Variants in BRCA2 observed in about 807,000 individuals in gnomAD.
The protein encoded by BRCA2 is BRCA2 DNA repair associated, also known as breast cancer type 2 susceptibility protein.
Under a neutral mutation model 276.7 loss-of-function variants are expected in BRCA2, and 203 were observed. The ratio of observed to expected loss-of-function variants is 0.73; its 90% CI spans 0.65 to 0.82. The LOEUF (loss-of-function observed/expected upper bound fraction) is 0.82. Among genes scored for constraint, BRCA2 ranks in the 40% least tolerant of loss-of-function variants. The pLI is 0.00. For synonymous variants in BRCA2, 1,289 were observed against 1,338.4 expected, an observed-to-expected ratio of 0.96 and a Z score of 0.81; for missense variants, 3,920 against 3,915.0, an observed-to-expected ratio of 1.00 and a Z score of -0.03.
chr13:32,359,327 A>G (rs536609119), intron 16 of BRCA2, among the ~76,000 whole-genome samples: 1 of 152,082 alleles, frequency 6.6e-6, no homozygotes, highest in African/African-American at 2.4e-5. Context: ...ATATATTTTA[A>G]TGGATACAAA....
chr13:32,367,536 T>C (rs184753993), intron 18 of BRCA2, among the ~76,000 whole-genome samples: 46 of 151,324 alleles, frequency 3.0e-4, no homozygotes, highest in African/African-American at 1.1e-3. Context: ...AGGCACAGTG[T>C]CTCACGCGTG....
rs576279166 is a variant in BRCA2 at position 32,344,602 on chromosome 13, A to T, written c.6886A>T (p.Ile2296Leu). 6.3e-7 allele frequency: 1 copy of T among 1,583,182 alleles called. No individual in the cohort carries two copies. Residue 2296 changes from isoleucine to leucine, a missense_variant, in exon 12 of 27, where the codon ATA (isoleucine) becomes TTA (leucine). Ile to Leu is a conservative substitution (Grantham distance 5). This residue lies in a region of BRCA2 where 3,263 missense variants were observed against 3,156.9 expected (regional missense o/e 1.03). Coordinates refer to ENST00000380152, the MANE Select transcript of BRCA2 (RefSeq NM_000059.4). ...KRNLLNEFDR[I>L]IENQEKSLKA... ...AAACTTATTAAATGAATTTGACAGG[A>T]TAATAGAAAATCAAGAAAAATCCTT...
Position 32,320,172 on chromosome 13 carries a change from C to G in BRCA2, c.316+847C>G, listed in dbSNP as rs529827633. ...GGGACCAATAGACAAGGCAAAAAGG[C>G]AGACTAAAGGCAGGCATTGAATGCC... On this transcript the variant is annotated intron_variant, in intron 3 of 26. Coordinates refer to ENST00000380152, the MANE Select transcript of BRCA2 (RefSeq NM_000059.4). 5.9e-5 allele frequency among the ~76,000 whole-genome samples: 9 copies of G among 152,290 alleles called. No individual in the cohort carries two copies. In the East Asian group the frequency reaches 1.7e-3, roughly 29 times the overall value.
rs80358546 is a variant in BRCA2, at chr13:32,319,307, A to T, written c.298A>T (p.Lys100Ter). ...LYQSPVKELD[K>*]FKLDLGRNVP... is the part of the protein sequence containing the mutation. ...CCAATCTCCTGTAAAAGAATTAGAT[A>T]AATTCAAATTAGACTTAGGTAAGTA... The change falls in exon 3 of 27, where the codon AAA (lysine) becomes TAA (stop). Residue 100 changes from lysine to a stop codon, truncating the protein, a stop_gained. Transcript: ENST00000380152. LOFTEE classifies it high-confidence loss of function. The T allele has an allele frequency of 6.2e-7, 1 of 1,613,678 alleles. No homozygotes were observed. The highest frequency in any genetic ancestry group is 8.5e-7 in the Non-Finnish European group (1 of 1,179,596).
rs276174795 is a variant in BRCA2 at position 32,316,449 on chromosome 13, T to C, written c.-12T>C. 18 of 1,611,446 alleles carry C rather than the reference T, an allele frequency of 1.1e-5. No individual in the cohort carries two copies. The highest frequency in any genetic ancestry group is 1.5e-5 in the Non-Finnish European group (18 of 1,177,520). ...TTATTTACCAAGCATTGGAGGAATA[T>C]CGTAGGTAAAAATGCCTATTGGATC... On this transcript the variant is annotated 5_prime_UTR_variant, in exon 2 of 27. Transcript: ENST00000380152.
chr13:32,370,919 A>G lies in BRCA2; in HGVS notation c.8488-37A>G, dbSNP rs746515276. The G allele has an allele frequency of 1.1e-5, 18 of 1,612,730 alleles. No individual in the cohort carries two copies. The African/African-American group carries it at 2.0e-4, about 18-fold the overall frequency. On this transcript the variant is annotated intron_variant, in intron 19 of 26. Coordinates refer to ENST00000380152, the MANE Select transcript of BRCA2 (RefSeq NM_000059.4). ...GATACAATTAACTTGAATGTTATAT[A>G]TGTGACTTTTTTGGTGTGTGTAACA...
At chr13:32,323,855 A>T in intron 3 of BRCA2, among the ~76,000 whole-genome samples, 1 of 152,218 alleles carries the variant, frequency 6.6e-6, no homozygotes, top group East Asian at 1.9e-4. Context: ...CTGGAGAGTC[A>T]AATATAATCT....
intron 11 of BRCA2, 39 bp from the exon 12 acceptor site, chr13:32,344,519 T>A (rs1566236802): frequency 7.6e-7 from 1 of 1,313,416 alleles, no homozygotes; most frequent in African/African-American, 1.5e-5. Context: ...AAACTGATAT[T>A]ATTTGCCTTA....
intron 21 of BRCA2, among the ~76,000 whole-genome samples, chr13:32,378,109 G>T (rs1457506838): frequency 2.0e-5 from 3 of 152,146 alleles, no homozygotes; most frequent in Non-Finnish European, 4.4e-5. Context: ...AATATTATTT[G>T]TTGAAGCTTG....
chr13:32,333,839 T>G (rs2072429235), intron 10 of BRCA2, among the ~76,000 whole-genome samples: 1 of 152,198 alleles, frequency 6.6e-6, no homozygotes, highest in African/African-American at 2.4e-5. Context: ...TTCTCATTGT[T>G]CAGCTCCCAC....
At chr13:32,368,001 CTTTTTTTTTTTTTTTTTT>C (rs71071031) in intron 18 of BRCA2, among the ~76,000 whole-genome samples, 9 of 50,766 alleles carry the variant, frequency 1.8e-4, no homozygotes, top group African/African-American at 6.5e-4. Context: ...TCTTCTAATT[CTTTTTTTTTTTTTTTTTT>C]TTTTTTTTTT....
rs876659836 is a variant in BRCA2, at chr13:32,340,243, G to A, written c.5888G>A (p.Gly1963Glu). The change falls in exon 11 of 27, where the codon GGG becomes GAG. Residue 1963 changes from glycine (G) to glutamate (E), a missense_variant. Coordinates refer to ENST00000380152, the MANE Select transcript of BRCA2 (RefSeq NM_000059.4). ...TCAGATATATGTAAATGTAGTATAG[G>A]GAAGCTTCATAAGTCAGTCTCATCT... is the stretch of plus-strand genomic sequence containing the variant. ...ETSDICKCSI[G>E]KLHKSVSSAN... 6.2e-7 allele frequency: 1 copy of A among 1,613,954 alleles called. No individual in the cohort carries two copies. Among genetic ancestry groups the A allele is most frequent in the Non-Finnish European group, 8.5e-7 (1 of 1,179,904 alleles).
chr13:32,378,024 A>T (rs1271372609), intron 21 of BRCA2, among the ~76,000 whole-genome samples: 2 of 152,202 alleles, frequency 1.3e-5, no homozygotes, highest in Non-Finnish European at 2.9e-5. Context: ...AAAACCTGTG[A>T]GTATACTTGC....
At chr13:32,352,952 G>A (rs932271972) in intron 13 of BRCA2, among the ~76,000 whole-genome samples, 1 of 152,040 alleles carries the variant, frequency 6.6e-6, no homozygotes, top group Non-Finnish European at 1.5e-5. Context: ...TAACCTACAA[G>A]GCAAACTCCT....
chr13:32,337,195 T>C lies in BRCA2; in HGVS notation c.2840T>C (p.Leu947Ser). The C allele has an allele frequency of 1.2e-6, 2 of 1,613,708 alleles. No homozygotes were observed. Among genetic ancestry groups the C allele is most frequent in the Non-Finnish European group, 1.7e-6 (2 of 1,179,854 alleles). The change falls in exon 11 of 27, where the codon TTG becomes TCG. Residue 947 changes from leucine (L) to serine (S), a missense_variant. Physicochemically the swap from Leu to Ser is moderately radical, Grantham distance 145 (BLOSUM62 -2). Around this residue, in one of 2 missense-constraint regions of BRCA2, gnomAD observed 3,263 missense variants for 3,156.9 expected, o/e 1.03. Coordinates refer to ENST00000380152, the MANE Select transcript of BRCA2 (RefSeq NM_000059.4). ...QATQVSIKKD[L>S]VYVLAEENKN... ...ACCCAAGTGTCAATTAAAAAAGATT[T>C]GGTTTATGTTCTTGCAGAGGAGAAC...
intron 2 of BRCA2, among the ~76,000 whole-genome samples, chr13:32,318,249 GTTA>G (rs1163816286): frequency 1.3e-5 from 2 of 152,106 alleles, no homozygotes; most frequent in Non-Finnish European, 2.9e-5. Flanking sequence ...ATTCCATAGC[GTTA>G]TTATGAAAGT....
chr13:32,374,834 T>G (rs968134604), intron 20 of BRCA2, among the ~76,000 whole-genome samples: 3 of 152,220 alleles, frequency 2.0e-5, no homozygotes, highest in Admixed American at 1.3e-4. Context: ...TTCCACATTT[T>G]CAGGTTATCG....
intron 24 of BRCA2, among the ~76,000 whole-genome samples, chr13:32,389,167 G>T (rs955783762): frequency 6.6e-6 from 1 of 152,168 alleles, no homozygotes; most frequent in African/African-American, 2.4e-5. Context: ...TGAAGTGTGA[G>T]AATTTTGCTT....
intron 10 of BRCA2, among the ~76,000 whole-genome samples, chr13:32,335,117 GC>G (rs2072437854): frequency 6.6e-6 from 1 of 152,150 alleles, no homozygotes; most frequent in Admixed American, 6.5e-5. Context: ...GCCAAGGCAG[GC>G]AGATCACTTA....
Sources: gnomAD v4.1 joint callset for allele counts (sites outside exome capture counted in the v4.1 genomes callset) on GRCh38, gnomAD v4.1.1 for gene constraint, gnomAD v4.1.1 regional missense constraint, MANE v1.5 for transcripts, NCBI Gene and HGNC (gene_info 2026-07-23, HGNC 2026-07-21) for gene names.